The following CCDC169 variants were observed in gnomAD, a reference collection of about 807,000 sequenced individuals.
The protein encoded by CCDC169 is coiled-coil domain-containing protein 169.
Under a neutral mutation model 36.0 loss-of-function variants are expected in CCDC169, and 30 were observed. That is an observed-to-expected ratio of 0.83 (90% confidence interval 0.62 to 1.13). CCDC169 has a LOEUF of 1.13. CCDC169 is among the 50% of genes most tolerant of loss of function. The pLI is 0.00. For missense variants in CCDC169, 245 were observed against 245.9 expected (o/e 1.00, Z 0.03); for synonymous variants, 85 against 81.5 (o/e 1.04, Z -0.23).
At chr13:36,238,960 G>A (rs1482176220) in intron 7 of CCDC169, among the ~76,000 whole-genome samples, 1 of 152,194 alleles carries the variant, frequency 6.6e-6, no homozygotes, top group African/African-American at 2.4e-5. Flanking sequence ...GCCAGGTGCA[G>A]TGATTCATGC....
downstream of CCDC169, among the ~76,000 whole-genome samples, chr13:36,229,590 T>G (rs1870202664): frequency 6.9e-6 from 1 of 145,330 alleles, no homozygotes; most frequent in South Asian, 2.1e-4. Flanking sequence ...CAAGCTGGAG[T>G]GCAGTGGCAT....
downstream of CCDC169, among the ~76,000 whole-genome samples, chr13:36,227,800 T>C (rs1870014916): frequency 1.3e-5 from 2 of 152,170 alleles, no homozygotes; most frequent in African/African-American, 2.4e-5. Context: ...AAGAATCCTG[T>C]ACCTATTAGC....
At chr13:36,223,966 T>C (rs1258123418), downstream of CCDC169, 1 of 152,160 alleles carries the variant, frequency 6.6e-6, no homozygotes, top group Non-Finnish European at 1.5e-5. Context: ...GTAACTCTGC[T>C]TTGGAATCTC....
At chr13:36,231,488 C>A (rs4397984) in intron 7 of CCDC169, among the ~76,000 whole-genome samples, 196 bp from the exon 8 acceptor site, 61,607 of 151,908 alleles carry the variant, frequency 0.41, 13,264 homozygotes, top group Non-Finnish European at 0.48. Context: ...TCATCTCCAC[C>A]GCTACAGAGG....
intron 4 of CCDC169, among the ~76,000 whole-genome samples, chr13:36,261,443 A>G (rs1468921255): frequency 2.0e-5 from 3 of 152,194 alleles, no homozygotes; most frequent in Non-Finnish European, 4.4e-5. Context: ...CATCCTGACA[A>G]GTGTTCCTGA....
At chr13:36,278,282 C>G (rs1245106133) in intron 4 of CCDC169, among the ~76,000 whole-genome samples, 1 of 152,150 alleles carries the variant, frequency 6.6e-6, no homozygotes, top group Non-Finnish European at 1.5e-5. Flanking sequence ...CTCAATTTCA[C>G]AGATGAGGAA....
intron 4 of CCDC169, among the ~76,000 whole-genome samples, chr13:36,272,620 T>C (rs1367636622): frequency 1.3e-5 from 2 of 152,186 alleles, no homozygotes; most frequent in East Asian, 3.8e-4. Context: ...GGTTTTTTGC[T>C]GAAGAATCCT....
chr13:36,283,835 AAATAGTT>A (rs1877841002), intron 2 of CCDC169, 133 bp from the exon 3 acceptor site: 1 of 688,162 alleles, frequency 1.5e-6, no homozygotes, highest in South Asian at 2.0e-5. Flanking sequence ...AACTAGAAGG[AAATAGTT>A]ATTAAGTCTG....
rs531328407 is a variant in CCDC169 at position 36,230,813 on chromosome 13, G to C, written c.*380C>G. On this transcript the variant is annotated 3_prime_UTR_variant, in exon 8 of 8. Coordinates refer to ENST00000239859, the MANE Select transcript of CCDC169 (RefSeq NM_001144981.3). ...ACCTGCAATTTAAAAAACTGAGCAA[G>C]ATCCAGCCCAAAATGGCAAAAAGGT... 1.0e-6 allele frequency: 1 copy of C among 989,324 alleles called. No homozygotes were observed. The highest frequency in any genetic ancestry group is 1.1e-4 in the East Asian group (1 of 8,982). 61.3% of individuals were successfully genotyped at this position (989,324 alleles called of 1,614,324 possible).
chr13:36,268,058 G>C (rs1875556879), intron 4 of CCDC169, among the ~76,000 whole-genome samples: 1 of 152,026 alleles, frequency 6.6e-6, no homozygotes, highest in Non-Finnish European at 1.5e-5. Flanking sequence ...GACAGCACTA[G>C]ACAGATCTTT....
intron 4 of CCDC169, chr13:36,274,640 T>C (rs1175369900): frequency 1.3e-5 from 2 of 152,202 alleles, no homozygotes; most frequent in Non-Finnish European, 2.9e-5. Context: ...CTGTTTTGTT[T>C]TGTTTCTGAC....
intron 1 of CCDC169, among the ~76,000 whole-genome samples, chr13:36,296,359 C>T (rs1262895500): frequency 6.6e-6 from 1 of 152,208 alleles, no homozygotes; most frequent in East Asian, 1.9e-4. Context: ...TCCCAAAGTG[C>T]TGGGATTACA....
rs563454201 is a variant in CCDC169, at chr13:36,255,927, C to T, written c.316-1784G>A. Among the ~76,000 whole-genome samples the T allele has an allele frequency of 1.1e-4, 16 of 152,328 alleles. No individual in the cohort carries two copies. The East Asian group carries it at 2.9e-3, about 28-fold the overall frequency. On this transcript the variant is annotated intron_variant, in intron 4 of 7. Coordinates refer to ENST00000239859, the MANE Select transcript of CCDC169 (RefSeq NM_001144981.3). ...TCGTCCTCCACGTAGTCTCTTACCA[C>T]CCTTGACCAGATGCAGGGCGCTCAG...
At chr13:36,248,933 C>T (rs559311964) in intron 6 of CCDC169, among the ~76,000 whole-genome samples, 100 of 152,096 alleles carry the variant, frequency 6.6e-4, no homozygotes, top group Non-Finnish European at 1.1e-3. Flanking sequence ...ACTGTGAAAA[C>T]CATATCACCT....
chr13:36,272,281 C>A (rs1876191164), intron 4 of CCDC169, among the ~76,000 whole-genome samples: 1 of 150,542 alleles, frequency 6.6e-6, no homozygotes, highest in South Asian at 2.1e-4. Context: ...TGAAAAAAGA[C>A]ATCAGGGAAC....
chr13:36,274,600 C>A (rs1876526772), intron 4 of CCDC169: 1 of 152,142 alleles, frequency 6.6e-6, no homozygotes, highest in African/African-American at 2.4e-5. Context: ...AAATCATATA[C>A]ATAAAGCTAA....
At chr13:36,257,994 G>T (rs188810435) in intron 4 of CCDC169, among the ~76,000 whole-genome samples, 1 of 152,136 alleles carries the variant, frequency 6.6e-6, no homozygotes, top group South Asian at 2.1e-4. Context: ...GAGGAATGGC[G>T]AATGGAACAT....
intron 7 of CCDC169, among the ~76,000 whole-genome samples, chr13:36,238,380 C>T (rs9546830): frequency 1.3e-5 from 2 of 151,960 alleles, no homozygotes; most frequent in Non-Finnish European, 2.9e-5. Flanking sequence ...GATTGTCCTG[C>T]CTTGGCCTTC....
rs555573588 is a variant in CCDC169, at chr13:36,231,553, T to TA, written c.546-262dup. Among the ~76,000 whole-genome samples, 203 of 152,312 alleles carry TA rather than the reference T, an allele frequency of 1.3e-3. 1 individual carries two copies. Among genetic ancestry groups the TA allele is most frequent in the African/African-American group, 4.7e-3 (194 of 41,574 alleles). On this transcript the variant is annotated intron_variant, in intron 7 of 7. Transcript: ENST00000239859. ...GCTGGAAGCAGCATGTCAGGTGCCC[T>TA]AATGTGGAAAGTTCTGTCTAATGAG...
Sources: allele counts gnomAD v4.1 joint callset (sites outside exome capture counted in the v4.1 genomes callset), GRCh38; gene constraint gnomAD v4.1.1; transcripts MANE v1.5; gene names NCBI Gene and HGNC (gene_info 2026-07-23, HGNC 2026-07-21).